MAPK10: variants seen among roughly 807,000 people sequenced by gnomAD.
MAPK10 encodes the protein JNK3 alpha protein kinase.
Under a neutral mutation model 59.3 loss-of-function variants are expected in MAPK10, and 25 were observed. That is an observed-to-expected ratio of 0.42 (90% CI 0.31 to 0.59). MAPK10 has a LOEUF of 0.59. MAPK10 is among the 20% of genes least tolerant of loss of function. The pLI, the probability that MAPK10 is intolerant of heterozygous loss-of-function variation, is 0.15. For synonymous variants in MAPK10, 190 were observed against 200.5 expected (o/e 0.95, Z 0.44); for missense variants, 351 against 568.9 (o/e 0.62, Z 3.90).
In MAPK10 at chr4:86,097,765, T is replaced by C. The variant is rs1455082067; in HGVS notation, c.802+759A>G. Among the ~76,000 whole-genome samples the C allele has an allele frequency of 2.6e-5, 4 of 152,092 alleles. No individual in the cohort carries two copies. The East Asian group carries it at 7.7e-4, about 29-fold the overall frequency. ...AGTGAATTTTTGGCCATTTAAGAAATGTATCAGTTCATTTGATAATTCCAA... is the reference window on the plus strand; with the variant it reads ...AGTGAATTTTTGGCCATTTAAGAAACGTATCAGTTCATTTGATAATTCCAA... On this transcript the variant is annotated intron_variant, in intron 9 of 13. Transcript: ENST00000641462.
intron 3 of MAPK10, among the ~76,000 whole-genome samples, chr4:86,174,725 C>A (rs952511056): frequency 6.6e-6 from 1 of 152,166 alleles, no homozygotes; most frequent in Non-Finnish European, 1.5e-5. Flanking sequence ...AGAGGACAAC[C>A]CTTGCTCACC....
chr4:86,161,057 A>C (rs1468191936), intron 3 of MAPK10, among the ~76,000 whole-genome samples: 1 of 152,014 alleles, frequency 6.6e-6, no homozygotes, highest in Non-Finnish European at 1.5e-5. Context: ...AGGCCTCCAG[A>C]TAAGACTGAG....
intron 2 of MAPK10, among the ~76,000 whole-genome samples, chr4:86,220,143 G>A (rs2089116217): frequency 6.6e-6 from 1 of 152,010 alleles, no homozygotes; most frequent in African/African-American, 2.4e-5. Flanking sequence ...TCTTAATATG[G>A]CCCAAAACTA....
intron 1 of MAPK10, among the ~76,000 whole-genome samples, chr4:86,395,424 A>T (rs1005143175): frequency 6.6e-6 from 1 of 152,242 alleles, no homozygotes; most frequent in Non-Finnish European, 1.5e-5. Context: ...GCTTTCATGT[A>T]GCATCTAAGA....
intron 1 of MAPK10, among the ~76,000 whole-genome samples, chr4:86,496,352 G>A (rs757428330): frequency 9.2e-5 from 14 of 152,172 alleles, no homozygotes; most frequent in Non-Finnish European, 1.8e-4. Context: ...GAACCTGGAA[G>A]ATTTCCATTT....
chr4:86,214,523 A>AAAC (rs1036232971), intron 2 of MAPK10, among the ~76,000 whole-genome samples: 3 of 149,592 alleles, frequency 2.0e-5, no homozygotes, highest in African/African-American at 7.5e-5. Flanking sequence ...AAAAAAAAAA[A>AAAC]AAAAAAAAAA....
At chr4:86,061,592 G>A (rs556120563) in intron 11 of MAPK10, among the ~76,000 whole-genome samples, 41 of 152,060 alleles carry the variant, frequency 2.7e-4, no homozygotes, top group Non-Finnish European at 5.2e-4. Flanking sequence ...TGGTAGTTTG[G>A]GAAACATGAT....
At chr4:86,507,669 T>C (rs1319432172) in intron 1 of MAPK10, among the ~76,000 whole-genome samples, 1 of 105,042 alleles carries the variant, frequency 9.5e-6, no homozygotes, top group Non-Finnish European at 1.9e-5. Context: ...TATATATATA[T>C]ATAAAATCAT....
intron 1 of MAPK10, among the ~76,000 whole-genome samples, chr4:86,548,167 C>T (rs956932101): frequency 1.3e-5 from 2 of 152,136 alleles, no homozygotes; most frequent in Non-Finnish European, 2.9e-5. Context: ...CAGCTTCACT[C>T]CTGAAGCCAG....
intron 3 of MAPK10, among the ~76,000 whole-genome samples, chr4:86,166,399 G>A (rs951383610): frequency 6.6e-6 from 1 of 151,958 alleles, no homozygotes; most frequent in Non-Finnish European, 1.5e-5. Context: ...TAAGCTCTAA[G>A]CATGGTATAA....
intron 1 of MAPK10, among the ~76,000 whole-genome samples, chr4:86,446,279 G>A (rs757504357): frequency 3.5e-4 from 53 of 152,086 alleles, no homozygotes; most frequent in Non-Finnish European, 5.9e-4. Context: ...AAGTAAAATC[G>A]TGGTAGCAAT....
chr4:86,303,248 T>C (rs2095502455), intron 2 of MAPK10, among the ~76,000 whole-genome samples: 1 of 152,192 alleles, frequency 6.6e-6, no homozygotes, highest in Non-Finnish European at 1.5e-5. Context: ...TTCCATAAAG[T>C]CTACAAGTGA....
chr4:86,312,994 T>C (rs894547780), intron 2 of MAPK10, among the ~76,000 whole-genome samples: 1 of 152,126 alleles, frequency 6.6e-6, no homozygotes, highest in Admixed American at 6.6e-5. Flanking sequence ...TGTATGCCCT[T>C]GTAGATACAT....
chr4:86,369,678 G>A lies in MAPK10; in HGVS notation c.-121-15034C>T, dbSNP rs1175859200. Among the ~76,000 whole-genome samples, 8 of 152,176 alleles carry A rather than the reference G, an allele frequency of 5.3e-5. 1 individual carries two copies. The highest frequency in any genetic ancestry group is 1.9e-4 in the East Asian group (1 of 5,184). ...ATATTGCAATGCTACATTTGACAAG[G>A]AAACAGGAAAATAAAAATCTGATCT... On this transcript the variant is annotated intron_variant, in intron 1 of 13. Coordinates refer to the MAPK10 transcript ENST00000361569.
intron 11 of MAPK10, chr4:86,032,482 C>CA (rs2039276294): frequency 6.6e-6 from 1 of 152,132 alleles, no homozygotes. Context: ...ACTCCAAAAG[C>CA]AATAGTTTTT....
intron 1 of MAPK10, among the ~76,000 whole-genome samples, chr4:86,437,446 C>T (rs1748899995): frequency 6.6e-6 from 1 of 152,066 alleles, no homozygotes; most frequent in East Asian, 1.9e-4. Flanking sequence ...GCCAAGCCCA[C>T]TTTGCGTTCA....
intron 2 of MAPK10, among the ~76,000 whole-genome samples, chr4:86,318,274 T>C (rs992963540): frequency 1.3e-5 from 2 of 152,154 alleles, no homozygotes; most frequent in Non-Finnish European, 2.9e-5. Flanking sequence ...AAAATAGCAG[T>C]AACCACTGGA....
intron 2 of MAPK10, among the ~76,000 whole-genome samples, chr4:86,217,099 A>G (rs547097741): frequency 3.2e-4 from 48 of 152,288 alleles, no homozygotes; most frequent in Non-Finnish European, 5.9e-4. Flanking sequence ...AAGGAGTCAG[A>G]TCTAAATGCC....
chr4:86,222,618 C>A (rs1324644578), intron 2 of MAPK10, among the ~76,000 whole-genome samples: 1 of 152,224 alleles, frequency 6.6e-6, no homozygotes, highest in African/African-American at 2.4e-5. Context: ...TATTTATAGC[C>A]TTTGCAGACC....
Sources: gnomAD v4.1 joint callset for allele counts (sites outside exome capture counted in the v4.1 genomes callset) on GRCh38, gnomAD v4.1.1 for gene constraint, MANE v1.5 for transcripts, NCBI Gene and HGNC (gene_info 2026-07-23, HGNC 2026-07-21) for gene names.